ANKS1B: variants seen among roughly 807,000 people sequenced by gnomAD.
The protein encoded by ANKS1B is ankyrin repeat and sterile alpha motif domain containing 1B.
Under a neutral mutation model 148.3 loss-of-function variants are expected in ANKS1B, and 36 were observed. The observed-to-expected ratio is 0.24, with a 90% CI of 0.19 to 0.32. ANKS1B has a LOEUF of 0.32. Among genes scored for constraint, ANKS1B ranks in the 10% least tolerant of loss-of-function variants. The pLI is 1.00. For synonymous variants in ANKS1B, 542 were observed against 560.8 expected (o/e 0.97, Z 0.47); for missense variants, 1,157 against 1,542.6 (o/e 0.75, Z 4.19).
intron 4 of ANKS1B, among the ~76,000 whole-genome samples, chr12:99,803,759 G>A (rs1286148031): frequency 6.6e-6 from 1 of 152,120 alleles, no homozygotes; most frequent in African/African-American, 2.4e-5. Flanking sequence ...CAAGCTAAAG[G>A]CCACCTAAAA....
In ANKS1B at chr12:99,798,423, T is replaced by TAAAA. The variant is rs61020616; in HGVS notation, c.669+7977_669+7980dup. On this transcript the variant is annotated intron_variant, in intron 4 of 26. Transcript: ENST00000683438. ...TAGCCACGTGGGCACCTCTTGGAAT[T>TAAAA]AAAAAAAAAAAAAAAAAAAACAAAA... Among the ~76,000 whole-genome samples the TAAAA allele has an allele frequency of 1.4e-4, 11 of 78,630 alleles. No homozygotes were observed. In the East Asian group the frequency reaches 1.6e-3, roughly 11 times the overall value. The allele number at this position is 78,630 out of a possible 152,430, so 51.6% of individuals were successfully genotyped here.
Position 99,159,452 on chromosome 12 carries a change from C to T in ANKS1B, c.2420-5057G>A, listed in dbSNP as rs116236045. Among the ~76,000 whole-genome samples, 1,165 of 152,208 alleles carry T rather than the reference C, an allele frequency of 7.7e-3. 14 individuals carry two copies. Among genetic ancestry groups the T allele is most frequent in the African/African-American group, 0.026 (1,085 of 41,528 alleles). On this transcript the variant is annotated intron_variant, in intron 14 of 26. Coordinates refer to ENST00000683438, the MANE Select transcript of ANKS1B (RefSeq NM_001352186.2). ...GCCCATGAATACCCAATATTTAGCT[C>T]CCACTTATAAGTGAGAACATACAGT...
chr12:99,401,748 A>T (rs1036757947), intron 11 of ANKS1B, among the ~76,000 whole-genome samples: 1 of 146,790 alleles, frequency 6.8e-6, no homozygotes, highest in South Asian at 2.1e-4. Context: ...TCTTCGAAAA[A>T]GAGACAAGCA....
intron 12 of ANKS1B, among the ~76,000 whole-genome samples, chr12:99,345,707 G>T (rs1192534051): frequency 3.3e-5 from 5 of 151,880 alleles, no homozygotes; most frequent in African/African-American, 4.8e-5. Flanking sequence ...ACATGTAAGG[G>T]AAGAAAGGAA....
At chr12:99,633,078 G>A (rs1486274322) in intron 9 of ANKS1B, among the ~76,000 whole-genome samples, 1 of 151,448 alleles carries the variant, frequency 6.6e-6, no homozygotes, top group African/African-American at 2.4e-5. Context: ...TCCCTACAAA[G>A]GACATGAACT....
chr12:99,321,476 G>A (rs994546797), intron 12 of ANKS1B, among the ~76,000 whole-genome samples: 1 of 152,214 alleles, frequency 6.6e-6, no homozygotes, highest in Admixed American at 6.5e-5. Flanking sequence ...CAGTGAGTGA[G>A]GCTCCATGGG....
intron 12 of ANKS1B, among the ~76,000 whole-genome samples, chr12:99,256,413 T>A (rs1566748616): frequency 2.0e-5 from 3 of 152,218 alleles, no homozygotes; most frequent in South Asian, 2.1e-4. Flanking sequence ...GCTTTACAAA[T>A]CAGGTGTTAT....
rs148961054 is a variant in ANKS1B at position 99,075,352 on chromosome 12, A to G, written c.2625+9573T>C. Reference sequence around the variant, plus strand: ...TCCAGGATGGAAGGGTCCATGATGGAAGAAGCCAGGGTCCCTGAATTACTG... The same window carrying G: ...TCCAGGATGGAAGGGTCCATGATGGGAGAAGCCAGGGTCCCTGAATTACTG... On this transcript the variant is annotated intron_variant, in intron 16 of 26. Transcript: ENST00000683438. Among the ~76,000 whole-genome samples, 1,064 of 152,282 alleles carry G rather than the reference A, an allele frequency of 7.0e-3. 13 individuals are homozygous for G. The highest frequency in any genetic ancestry group is 0.046 in the South Asian group (220 of 4,824).
chr12:98,815,809 C>T (rs1457979976), intron 19 of ANKS1B, among the ~76,000 whole-genome samples: 2 of 152,156 alleles, frequency 1.3e-5, no homozygotes, highest in Non-Finnish European at 2.9e-5. Context: ...CAAGCTACTC[C>T]CTTTTCTCGT....
chr12:99,563,483 T>G (rs1227870864), intron 9 of ANKS1B, among the ~76,000 whole-genome samples: 1 of 152,098 alleles, frequency 6.6e-6, no homozygotes, highest in Admixed American at 6.6e-5. Context: ...AATAGGGGAA[T>G]AGCTAGTCGG....
At chr12:99,970,344 T>C (rs1466664574) in intron 1 of ANKS1B, among the ~76,000 whole-genome samples, 1 of 152,180 alleles carries the variant, frequency 6.6e-6, no homozygotes. Context: ...ATTGAAAAGG[T>C]GTATGATATA....
chr12:98,787,152 A>G (rs1384853115), intron 22 of ANKS1B, among the ~76,000 whole-genome samples: 2 of 152,220 alleles, frequency 1.3e-5, no homozygotes, highest in Non-Finnish European at 2.9e-5. Context: ...ACACAAAATA[A>G]GCATTATTGT....
chr12:98,894,696 G>A, intron 17 of ANKS1B: 1 of 985,706 alleles, frequency 1.0e-6, no homozygotes, highest in East Asian at 1.1e-4. Flanking sequence ...CCCCGAGGAC[G>A]CAGACATGTG....
intron 1 of ANKS1B, among the ~76,000 whole-genome samples, chr12:99,890,442 G>A (rs981875961): frequency 6.6e-6 from 1 of 152,124 alleles, no homozygotes; most frequent in African/African-American, 2.4e-5. Flanking sequence ...ATTTCAGACA[G>A]GACTGCAACA....
intron 8 of ANKS1B, among the ~76,000 whole-genome samples, chr12:99,716,271 G>A (rs1175729815): frequency 2.0e-5 from 3 of 151,004 alleles, no homozygotes; most frequent in South Asian, 2.1e-4. Context: ...TCTGCGCCCC[G>A]ATCCCTTATT....
intron 2 of ANKS1B, among the ~76,000 whole-genome samples, chr12:99,822,010 C>A (rs182820137): frequency 1.3e-3 from 197 of 152,038 alleles, no homozygotes; most frequent in African/African-American, 4.6e-3. Flanking sequence ...AAAATAAATA[C>A]AATTTGGGAA....
At chr12:99,456,497 A>C (rs956790559) in intron 10 of ANKS1B, among the ~76,000 whole-genome samples, 8 of 152,212 alleles carry the variant, frequency 5.3e-5, no homozygotes, top group Admixed American at 3.9e-4. Flanking sequence ...GAGGAAGGTT[A>C]AGTGCAACTT....
chr12:99,346,402 C>T (rs979673055), intron 12 of ANKS1B, among the ~76,000 whole-genome samples: 1 of 151,586 alleles, frequency 6.6e-6, no homozygotes, highest in African/African-American at 2.4e-5. Context: ...CACACACTCT[C>T]TCTCTCTCTC....
chr12:99,031,063 CT>C (rs2099951804), intron 17 of ANKS1B, among the ~76,000 whole-genome samples: 1 of 152,160 alleles, frequency 6.6e-6, no homozygotes, highest in South Asian at 2.1e-4. Flanking sequence ...TGTTTTGACC[CT>C]TTAAAAGGAA....
Sources: allele counts gnomAD v4.1 joint callset (sites outside exome capture counted in the v4.1 genomes callset), GRCh38; gene constraint gnomAD v4.1.1; transcripts MANE v1.5; gene names NCBI Gene and HGNC (gene_info 2026-07-23, HGNC 2026-07-21).